Variants in MYT1L observed in about 807,000 individuals in gnomAD.
MYT1L encodes the protein myelin transcription factor 1-like protein.
MYT1L carries 12 observed loss-of-function variants against 126.7 expected under a neutral mutation model. The ratio of observed to expected loss-of-function variants is 0.09; its 90% CI spans 0.06 to 0.15. The LOEUF is 0.15. Among genes scored for constraint, MYT1L ranks in the 10% least tolerant of loss-of-function variants. The pLI is 1.00. For synonymous variants in MYT1L, 541 were observed against 604.2 expected, an observed-to-expected ratio of 0.90 and a Z score of 1.53; for missense variants, 979 against 1,585.2, an observed-to-expected ratio of 0.62 and a Z score of 6.49.
chr2:1,944,781 C>T (rs1426816408), intron 8 of MYT1L, among the ~76,000 whole-genome samples: 3 of 152,212 alleles, frequency 2.0e-5, no homozygotes, highest in Non-Finnish European at 4.4e-5. Flanking sequence ...CCTCTCACTC[C>T]TGTGTACACC....
At chr2:2,291,513 C>T (rs1281136274) in intron 1 of MYT1L, among the ~76,000 whole-genome samples, 1 of 152,220 alleles carries the variant, frequency 6.6e-6, no homozygotes, top group East Asian at 1.9e-4. Context: ...GTGTCCAGGT[C>T]TTTGTCCTGA....
rs187042232 is a variant in MYT1L, at chr2:1,876,009, C to T, written c.2711+10530G>A. On this transcript the variant is annotated intron_variant, in intron 18 of 24. Coordinates refer to ENST00000647738, the MANE Select transcript of MYT1L (RefSeq NM_001303052.2). ...TATATCTTAACAAAGATGTACACTT[C>T]GGGTTTCTGGAGTACAGTTCTGTCC... is the stretch of plus-strand genomic sequence containing the variant. Among the ~76,000 whole-genome samples, 21 of 152,220 alleles carry T rather than the reference C, an allele frequency of 1.4e-4. No homozygotes were observed. The East Asian group carries it at 3.1e-3, about 22-fold the overall frequency.
intron 13 of MYT1L, among the ~76,000 whole-genome samples, chr2:1,905,366 T>C (rs1229906044): frequency 6.6e-6 from 1 of 152,134 alleles, no homozygotes; most frequent in East Asian, 1.9e-4. Flanking sequence ...TAATTTTTTT[T>C]TTTTTTAAGA....
At chr2:1,879,888 G>A (rs980033861) in intron 18 of MYT1L, among the ~76,000 whole-genome samples, 2 of 152,286 alleles carry the variant, frequency 1.3e-5, no homozygotes, top group Middle Eastern at 3.4e-3. Flanking sequence ...ATACAATTCA[G>A]TAGTTTCTGA....
At chr2:1,858,916 G>A (rs1412289141) in intron 18 of MYT1L, among the ~76,000 whole-genome samples, 3 of 152,148 alleles carry the variant, frequency 2.0e-5, no homozygotes, top group Admixed American at 1.3e-4. Flanking sequence ...CTCCCTGCCC[G>A]GTGCCCTCTC....
chr2:1,847,039 C>A (rs180869975), intron 19 of MYT1L, among the ~76,000 whole-genome samples: 86 of 152,300 alleles, frequency 5.6e-4, no homozygotes, highest in African/African-American at 1.9e-3. Context: ...GTCCCCACAG[C>A]ACACTGGAGT....
intron 9 of MYT1L, among the ~76,000 whole-genome samples, chr2:1,936,183 A>G (rs1004622769): frequency 9.2e-5 from 14 of 152,196 alleles, no homozygotes; most frequent in African/African-American, 3.1e-4. Context: ...TCAGCCTCCC[A>G]AAGTGCTGGG....
At chr2:2,047,870 C>T (rs900351632) in intron 4 of MYT1L, among the ~76,000 whole-genome samples, 21 of 152,140 alleles carry the variant, frequency 1.4e-4, no homozygotes, top group African/African-American at 4.8e-4. Flanking sequence ...AAACAGTGAA[C>T]AAAGTATCCA....
At chr2:1,847,676 C>G (rs1429943187) in intron 19 of MYT1L, among the ~76,000 whole-genome samples, 5 of 152,274 alleles carry the variant, frequency 3.3e-5, no homozygotes, top group Non-Finnish European at 7.3e-5. Flanking sequence ...AAGAAACAGT[C>G]TGTTAGTTTG....
At chr2:2,182,517 C>G (rs1400534506) in intron 2 of MYT1L, among the ~76,000 whole-genome samples, 1 of 151,248 alleles carries the variant, frequency 6.6e-6, no homozygotes, top group Non-Finnish European at 1.5e-5. Flanking sequence ...CACACTCTTT[C>G]TCTCTCATTT....
intron 3 of MYT1L, among the ~76,000 whole-genome samples, chr2:2,151,648 C>G (rs1466705426): frequency 6.6e-6 from 1 of 152,192 alleles, no homozygotes; most frequent in South Asian, 2.1e-4. Context: ...AGTACCACAC[C>G]ATGTCTATGC....
chr2:2,118,542 T>C (rs2080527331), intron 3 of MYT1L, among the ~76,000 whole-genome samples: 1 of 152,204 alleles, frequency 6.6e-6, no homozygotes, highest in African/African-American at 2.4e-5. Context: ...AGGATGCCTG[T>C]TACAAACATA....
At chr2:1,872,929 A>G (rs888798793) in intron 18 of MYT1L, among the ~76,000 whole-genome samples, 40 of 73,930 alleles carry the variant, frequency 5.4e-4, no homozygotes, top group Non-Finnish European at 8.4e-4. Context: ...TGGGGAAAAC[A>G]GAGGTTAAGC....
intron 21 of MYT1L, among the ~76,000 whole-genome samples, chr2:1,813,984 G>A (rs1422448287): frequency 3.0e-5 from 4 of 131,586 alleles, no homozygotes; most frequent in Admixed American, 8.4e-5. Context: ...CCGAGATCGC[G>A]CCACTGCACT....
intron 4 of MYT1L, among the ~76,000 whole-genome samples, chr2:2,008,135 C>T (rs2063500123): frequency 6.6e-6 from 1 of 152,194 alleles, no homozygotes; most frequent in Admixed American, 6.5e-5. Context: ...ACTCAGAAAC[C>T]ACTCAGTGCA....
At chr2:1,950,042 C>A (rs145822569) in intron 8 of MYT1L, among the ~76,000 whole-genome samples, 3 of 152,226 alleles carry the variant, frequency 2.0e-5, no homozygotes, top group African/African-American at 7.2e-5. Flanking sequence ...GTGTGCTTGG[C>A]ACTTTCTAAA....
At chr2:1,900,488 A>T (rs2050192772) in intron 14 of MYT1L, among the ~76,000 whole-genome samples, 1 of 151,992 alleles carries the variant, frequency 6.6e-6, no homozygotes, top group Non-Finnish European at 1.5e-5. Flanking sequence ...TTTAGTAGAG[A>T]CGGGGTTTCA....
chr2:1,965,320 G>A (rs2059263668), intron 8 of MYT1L, among the ~76,000 whole-genome samples: 1 of 139,560 alleles, frequency 7.2e-6, no homozygotes, highest in Non-Finnish European at 1.5e-5. Context: ...GGAGGACCCA[G>A]ACTCTGTGAC....
chr2:2,116,163 C>G (rs1319982889), intron 3 of MYT1L, among the ~76,000 whole-genome samples: 1 of 152,210 alleles, frequency 6.6e-6, no homozygotes, highest in African/African-American at 2.4e-5. Context: ...CACAAAACCA[C>G]GAGGAAGAAA....
Sources: gnomAD v4.1 joint callset for allele counts (sites outside exome capture counted in the v4.1 genomes callset) on GRCh38, gnomAD v4.1.1 for gene constraint, MANE v1.5 for transcripts, NCBI Gene and HGNC (gene_info 2026-07-23, HGNC 2026-07-21) for gene names.